Variants in NHS observed in about 807,000 individuals in gnomAD.
NHS encodes actin remodeling regulator NHS.
Under a neutral mutation model 72.5 loss-of-function variants are expected in NHS, and 5 were observed. The observed-to-expected ratio is 0.07, with a 90% confidence interval of 0.04 to 0.14. NHS has a LOEUF of 0.14. NHS is among the 10% of genes least tolerant of loss of function. The probability of loss-of-function intolerance (pLI) is 1.00; values close to 1 mark genes in which losing one functional copy is unlikely to be tolerated. For synonymous variants in NHS, 464 were observed against 547.7 expected, an observed-to-expected ratio of 0.85 and a Z score of 2.13; for missense variants, 1,072 against 1,355.7, an observed-to-expected ratio of 0.79 and a Z score of 3.29.
At chrX:17,599,983 T>C (rs988367801) in intron 1 of NHS, among the ~76,000 whole-genome samples, 1 of 111,141 alleles carries the variant, frequency 9.0e-6, no homozygotes, top group Admixed American at 9.6e-5. Flanking sequence ...TTCTAATACA[T>C]CCTAAAGCCT....
At chrX:17,585,537 T>C (rs988627006) in intron 1 of NHS, among the ~76,000 whole-genome samples, 1 of 110,049 alleles carries the variant, frequency 9.1e-6, no homozygotes, top group African/African-American at 3.3e-5. Flanking sequence ...TGGGATCCAG[T>C]GTGGTTAGAT....
At chrX:17,560,363 T>C (rs1441506816) in intron 1 of NHS, among the ~76,000 whole-genome samples, 3 of 112,705 alleles carry the variant, frequency 2.7e-5, no homozygotes, top group Non-Finnish European at 5.6e-5. Flanking sequence ...TTTGAAAGAA[T>C]AATTTCTGTA....
chrX:17,391,005 CA>C (rs1324926646), intron 1 of NHS, among the ~76,000 whole-genome samples: 3 of 111,854 alleles, frequency 2.7e-5, no homozygotes, highest in Non-Finnish European at 5.6e-5. Flanking sequence ...ATTGATTTGT[CA>C]ATTCAAAGGT....
At chrX:17,545,804 T>C (rs1397422079) in intron 1 of NHS, among the ~76,000 whole-genome samples, 1 of 112,072 alleles carries the variant, frequency 8.9e-6, no homozygotes, top group Non-Finnish European at 1.9e-5. Flanking sequence ...TTCTAATCTT[T>C]TGGAGGAGTG....
intron 1 of NHS, among the ~76,000 whole-genome samples, chrX:17,576,593 T>C (rs776708625): frequency 8.9e-6 from 1 of 111,996 alleles, no homozygotes; most frequent in South Asian, 3.8e-4. Context: ...GAGAATTAGT[T>C]TGAAAAACAG....
intron 3 of NHS, among the ~76,000 whole-genome samples, chrX:17,702,277 G>A (rs188786589): frequency 9.8e-5 from 11 of 111,796 alleles, no homozygotes; most frequent in Middle Eastern, 4.6e-3. Flanking sequence ...GAAAGAGGTG[G>A]GGAAGAAAAT....
chrX:17,678,590 C>T (rs934742453), intron 1 of NHS, among the ~76,000 whole-genome samples: 19 of 110,794 alleles, frequency 1.7e-4, no homozygotes, highest in Admixed American at 9.6e-5. Context: ...ACTATTGCGA[C>T]GGCAGCAGCA....
rs773032095 is a variant in NHS at position 17,728,002 on chromosome X, C to T, written c.3896C>T (p.Thr1299Ile). 4 of 1,209,819 alleles carry T rather than the reference C, an allele frequency of 3.3e-6. No homozygotes were observed. The highest frequency in any genetic ancestry group is 4.5e-6 in the Non-Finnish European group (4 of 895,134). ...IIQYGPGPDETLEQVQKAPSA... is the reference protein window; with the variant it reads ...IIQYGPGPDEILEQVQKAPSA... ...CAATATGGACCTGGTCCAGACGAAA[C>T]TCTAGAACAGGTACAGAAGGCACCC... The change falls in exon 7 of 9, where the codon ACT becomes ATT. Residue 1299 changes from threonine to isoleucine, a missense_variant. Transcript: ENST00000676302.
chrX:17,712,377 C>CACACACA (rs2066339491), intron 3 of NHS, among the ~76,000 whole-genome samples: 1 of 87,920 alleles, frequency 1.1e-5, no homozygotes, highest in East Asian at 3.3e-4. Flanking sequence ...CACACACACA[C>CACACACA]ACACACACAC....
intron 1 of NHS, among the ~76,000 whole-genome samples, chrX:17,631,286 T>C (rs1347995044): frequency 1.8e-5 from 2 of 111,684 alleles, no homozygotes; most frequent in East Asian, 5.6e-4. Flanking sequence ...TACCATGGAG[T>C]TTTCCAAAAA....
intron 1 of NHS, among the ~76,000 whole-genome samples, chrX:17,426,973 C>T (rs1246943578): frequency 1.8e-5 from 2 of 111,627 alleles, no homozygotes; most frequent in East Asian, 2.8e-4. Context: ...GGGGCTACTT[C>T]CTGGTCTTAA....
chrX:17,422,626 C>A (rs371263665), intron 1 of NHS, among the ~76,000 whole-genome samples: 10 of 111,562 alleles, frequency 9.0e-5, no homozygotes, highest in African/African-American at 2.6e-4. Context: ...CCTCTTTTGT[C>A]CAGTTATGAC....
At chrX:17,534,386 T>C (rs2065213466) in intron 1 of NHS, among the ~76,000 whole-genome samples, 1 of 111,172 alleles carries the variant, frequency 9.0e-6, no homozygotes, top group South Asian at 4.0e-4. Context: ...CCCAGGCCTA[T>C]AGCTACCTTT....
chrX:17,502,870 A>G (rs2065042242), intron 1 of NHS, among the ~76,000 whole-genome samples: 1 of 109,795 alleles, frequency 9.1e-6, no homozygotes, highest in African/African-American at 3.3e-5. Context: ...AAAGAGGGGG[A>G]CCTCAGCCCA....
chrX:17,511,844 T>C (rs2065090097), intron 1 of NHS, among the ~76,000 whole-genome samples: 1 of 96,067 alleles, frequency 1.0e-5, no homozygotes, highest in Non-Finnish European at 2.1e-5. Context: ...GAGGGATCCA[T>C]GAGGGATGGT....
chrX:17,722,524 C>T (rs1358779195), intron 5 of NHS, among the ~76,000 whole-genome samples: 16 of 111,504 alleles, frequency 1.4e-4, no homozygotes, highest in Admixed American at 5.7e-4. Context: ...ATCATTAACC[C>T]CACTCAGATT....
chrX:17,679,159 T>C (rs2066107402), intron 1 of NHS, among the ~76,000 whole-genome samples: 1 of 109,648 alleles, frequency 9.1e-6, no homozygotes, highest in South Asian at 4.1e-4. Flanking sequence ...TTTTCTTTGT[T>C]TTACCACATT....
At chrX:17,395,309 C>A (rs1423970581) in intron 1 of NHS, among the ~76,000 whole-genome samples, 1 of 112,414 alleles carries the variant, frequency 8.9e-6, no homozygotes, top group African/African-American at 3.2e-5. Flanking sequence ...AGCAGGCATA[C>A]AACTGGGTTA....
At chrX:17,610,172 C>T (rs1280166290) in intron 1 of NHS, among the ~76,000 whole-genome samples, 2 of 112,074 alleles carry the variant, frequency 1.8e-5, no homozygotes, top group African/African-American at 6.5e-5. Flanking sequence ...TACAGAAGTA[C>T]TTAAAGATGA....
Sources: allele counts gnomAD v4.1 joint callset (sites outside exome capture counted in the v4.1 genomes callset), GRCh38; gene constraint gnomAD v4.1.1; transcripts MANE v1.5; gene names NCBI Gene and HGNC (gene_info 2026-07-23, HGNC 2026-07-21).